CACNA2D1: variants seen among roughly 807,000 people sequenced by gnomAD.
CACNA2D1 encodes the protein calcium voltage-gated channel auxiliary subunit alpha2delta 1, also known as voltage-dependent calcium channel subunit alpha-2/delta-1.
CACNA2D1 carries 53 observed loss-of-function variants against 171.5 expected under a neutral mutation model. That is an observed-to-expected ratio of 0.31 (90% CI 0.25 to 0.39). The LOEUF is 0.39. Ranked by LOEUF, CACNA2D1 falls within the 10% of genes least tolerant of loss-of-function variation. CACNA2D1 has a pLI of 1.00. For synonymous variants in CACNA2D1, 442 were observed against 443.1 expected (o/e 1.00, Z 0.03); for missense variants, 903 against 1,299.8 (o/e 0.69, Z 4.69).
intron 3 of CACNA2D1, among the ~76,000 whole-genome samples, chr7:82,312,773 A>G (rs1211248321): frequency 1.3e-5 from 2 of 151,656 alleles, no homozygotes; most frequent in African/African-American, 4.8e-5. Context: ...AACTCAAGTG[A>G]TCCACCAGCT....
chr7:82,092,540 CTTTTTTTTTTT>C (rs71093360), intron 6 of CACNA2D1, among the ~76,000 whole-genome samples: 1 of 102,700 alleles, frequency 9.7e-6, no homozygotes, highest in African/African-American at 4.5e-5. Flanking sequence ...GCCCAGCTAA[CTTTTTTTTTTT>C]TTTTTTTTTT....
chr7:82,064,149 T>C (rs1190241648), intron 9 of CACNA2D1, among the ~76,000 whole-genome samples, 155 bp downstream of exon 9: 2 of 152,136 alleles, frequency 1.3e-5, no homozygotes, highest in Non-Finnish European at 2.9e-5. Flanking sequence ...TATTATTGTC[T>C]TGATATGGCT....
chr7:82,405,958 T>C (rs1028684949), intron 1 of CACNA2D1, among the ~76,000 whole-genome samples: 16 of 152,182 alleles, frequency 1.1e-4, no homozygotes, highest in African/African-American at 3.9e-4. Context: ...GTTACATATG[T>C]ATCCACGTGC....
At chr7:82,167,602 T>A (rs1795586886) in intron 4 of CACNA2D1, among the ~76,000 whole-genome samples, 1 of 152,110 alleles carries the variant, frequency 6.6e-6, no homozygotes, top group Non-Finnish European at 1.5e-5. Flanking sequence ...AGGGCTATCA[T>A]AAAGACTATG....
chr7:82,057,627 G>A, intron 10 of CACNA2D1, among the ~76,000 whole-genome samples: 1 of 152,074 alleles, frequency 6.6e-6, no homozygotes, highest in East Asian at 1.9e-4. Context: ...AATATCATGG[G>A]TGTTGCTGCT....
intron 4 of CACNA2D1, among the ~76,000 whole-genome samples, chr7:82,143,073 T>A (rs1336901653): frequency 6.6e-6 from 1 of 152,092 alleles, no homozygotes; most frequent in Non-Finnish European, 1.5e-5. Flanking sequence ...GGGATATGAA[T>A]GTGAGTAAAT....
intron 7 of CACNA2D1, among the ~76,000 whole-genome samples, chr7:82,080,329 T>C (rs1370940925): frequency 6.6e-6 from 1 of 152,064 alleles, no homozygotes; most frequent in Non-Finnish European, 1.5e-5. Flanking sequence ...CTGTGGCAAG[T>C]ATTCACTTAC....
chr7:82,000,359 G>C lies in CACNA2D1; in HGVS notation c.1591-3109C>G, dbSNP rs753060813. Among the ~76,000 whole-genome samples the C allele has an allele frequency of 1.8e-4, 27 of 152,076 alleles. 1 individual carries two copies. Among genetic ancestry groups the C allele is most frequent in the Middle Eastern group, 6.3e-3 (2 of 316 alleles). On this transcript the variant is annotated intron_variant, in intron 18 of 38. Coordinates refer to ENST00000356860, the MANE Select transcript of CACNA2D1 (RefSeq NM_000722.4). Reference sequence around the variant, plus strand: ...AGAATTTTCAGAGGATGAGGCAGGGGACTGACATATATATATTTAATTTCC... The same window carrying C: ...AGAATTTTCAGAGGATGAGGCAGGGCACTGACATATATATATTTAATTTCC...
At chr7:82,188,078 T>C (rs1393511744) in intron 3 of CACNA2D1, among the ~76,000 whole-genome samples, 1 of 152,110 alleles carries the variant, frequency 6.6e-6, no homozygotes, top group African/African-American at 2.4e-5. Flanking sequence ...CTCTCTGGGG[T>C]CTCTTTATAA....
intron 3 of CACNA2D1, among the ~76,000 whole-genome samples, chr7:82,211,351 C>T (rs552102279): frequency 4.6e-5 from 7 of 152,106 alleles, no homozygotes; most frequent in Non-Finnish European, 7.4e-5. Flanking sequence ...TTGACCCTCA[C>T]CCTTCCCCCA....
At chr7:81,964,648 A>C (rs1794508171) in intron 32 of CACNA2D1, among the ~76,000 whole-genome samples, 1 of 151,928 alleles carries the variant, frequency 6.6e-6, no homozygotes, top group Non-Finnish European at 1.5e-5. Context: ...GATGAATAAA[A>C]CAGGGCCGGG....
chr7:82,236,301 A>G (rs1164600720), intron 3 of CACNA2D1, among the ~76,000 whole-genome samples: 1 of 152,096 alleles, frequency 6.6e-6, no homozygotes, highest in Admixed American at 6.6e-5. Flanking sequence ...TTAGGGTGGC[A>G]TAGGCTCAGT....
At chr7:82,443,787 G>T (rs1411253032), upstream of CACNA2D1, 5 of 992,832 alleles carry the variant, frequency 5.0e-6, no homozygotes, top group South Asian at 1.0e-4. Flanking sequence ...TCTCCCTCTC[G>T]GTTTCCTCCC....
chr7:82,283,479 T>C (rs2129379277), intron 3 of CACNA2D1, among the ~76,000 whole-genome samples: 1 of 152,312 alleles, frequency 6.6e-6, no homozygotes, highest in African/African-American at 2.4e-5. Context: ...TCAAATAGCA[T>C]AAATGTTGAT....
chr7:82,142,679 C>T (rs1461862460), intron 4 of CACNA2D1, among the ~76,000 whole-genome samples: 1 of 152,180 alleles, frequency 6.6e-6, no homozygotes, highest in Admixed American at 6.5e-5. Context: ...ACATGATTCA[C>T]AGCCTGACAA....
intron 12 of CACNA2D1, among the ~76,000 whole-genome samples, chr7:82,025,680 TTTG>T (rs1801805370): frequency 1.3e-5 from 2 of 151,762 alleles, no homozygotes; most frequent in Non-Finnish European, 3.0e-5. Context: ...TCAATCTGAA[TTTG>T]TTAAGAATTT....
chr7:82,083,985 T>A (rs1435693189), intron 7 of CACNA2D1, among the ~76,000 whole-genome samples: 1 of 152,158 alleles, frequency 6.6e-6, no homozygotes, highest in Non-Finnish European at 1.5e-5. Context: ...CTAGCACGTA[T>A]CCCATAACTC....
intron 3 of CACNA2D1, among the ~76,000 whole-genome samples, chr7:82,180,666 T>C (rs2129168715): frequency 6.6e-6 from 1 of 152,256 alleles, no homozygotes; most frequent in East Asian, 1.9e-4. Context: ...GAGGAGGAAT[T>C]AGTCCTATGG....
At chr7:82,111,384 GTGTATATA>G (rs949851346) in intron 6 of CACNA2D1, among the ~76,000 whole-genome samples, 1 of 128,042 alleles carries the variant, frequency 7.8e-6, no homozygotes. Context: ...ATTCATATAT[GTGTATATA>G]TGTATATATA....
Sources: allele counts gnomAD v4.1 joint callset (sites outside exome capture counted in the v4.1 genomes callset), GRCh38; gene constraint gnomAD v4.1.1; transcripts MANE v1.5; gene names NCBI Gene and HGNC (gene_info 2026-07-23, HGNC 2026-07-21).